BCAN: variants seen among roughly 807,000 people sequenced by gnomAD.
BCAN encodes the protein brevican.
Under a neutral mutation model 92.4 loss-of-function variants are expected in BCAN, and 51 were observed. The observed-to-expected ratio is 0.55, with a 90% CI of 0.44 to 0.70. The LOEUF (loss-of-function observed/expected upper bound fraction) is 0.70, where lower values mean the gene tolerates loss of function less well. Among genes scored for constraint, BCAN ranks in the 30% least tolerant of loss-of-function variants. BCAN has a pLI of 0.00. For missense variants in BCAN, 1,140 were observed against 1,212.1 expected (o/e 0.94, Z 0.88); for synonymous variants, 501 against 505.2 (o/e 0.99, Z 0.11).
chr1:156,647,850 C>A lies in BCAN; in HGVS notation c.642-133C>A. ...GTGAGGACCCTGAGCATGTGCATCC[C>A]TGCAGTGCTAGAAGGACAGCCAGCT... On this transcript the variant is annotated intron_variant, in intron 4 of 13. Coordinates refer to ENST00000329117, the MANE Select transcript of BCAN (RefSeq NM_021948.5). The surrounding 1 kb of genome is among the most constrained non-coding windows in gnomAD (Gnocchi z 4.8). 1 of 1,540,818 alleles carries A rather than the reference C, an allele frequency of 6.5e-7. No individual in the cohort carries two copies. Among genetic ancestry groups the A allele is most frequent in the Non-Finnish European group, 9.0e-7 (1 of 1,115,912 alleles).
Position 156,657,594 on chromosome 1 carries a change from A to AG in BCAN, c.2210-80dup. On this transcript the variant is annotated intron_variant, in intron 10 of 13. Transcript: ENST00000329117. ...GATCGCGGGGAAGGGTTTCCAAGGC[A>AG]GTCACCGCAGACCGCCCGGGAGCGG... 6.9e-6 allele frequency: 8 copies of AG among 1,165,694 alleles called. No individual in the cohort carries two copies. In the South Asian group the frequency reaches 1.1e-4, roughly 16 times the overall value. The allele number at this position is 1,165,694 out of a possible 1,614,324, so 72.2% of individuals were successfully genotyped here.
chr1:156,659,192 T>TCACAC lies in BCAN; in HGVS notation c.*60_*64dup. 1 of 1,349,772 alleles carries TCACAC rather than the reference T, an allele frequency of 7.4e-7. No individual in the cohort carries two copies. The allele number at this position is 1,349,772 out of a possible 1,614,324, so 83.6% of individuals were successfully genotyped here. On this transcript the variant is annotated 3_prime_UTR_variant, in exon 14 of 14. Transcript: ENST00000329117. ...ACTGCCCTGTCACCCAAATTTTCCC[T>TCACAC]CACACCCTGCGCTCCCGCCACCACA...
At chr1:156,653,023 T>C (rs772778742) in intron 8 of BCAN, 131 bp downstream of exon 8, 66 of 1,519,848 alleles carry the variant, frequency 4.3e-5, no homozygotes, top group Middle Eastern at 1.8e-4. Context: ...GCCTTCATTC[T>C]CTTACCCACC....
chr1:156,648,799 T>G lies in BCAN; in HGVS notation c.1001T>G (p.Leu334Arg), dbSNP rs1324591745. Residue 334 changes from leucine to arginine, a missense_variant, in exon 6 of 14, where the codon CTC becomes CGC. Around this residue, in one of 3 missense-constraint regions of BCAN, gnomAD observed 825 missense variants for 871.8 expected, o/e 0.95. Transcript: ENST00000329117. ...TTGCCTGGTGTCAAGACTCTCTTCCTCTTCCCCAACCAGACTGGCTTCCCC... is the reference window on the plus strand; with the variant it reads ...TTGCCTGGTGTCAAGACTCTCTTCCGCTTCCCCAACCAGACTGGCTTCCCC... ...GGLPGVKTLF[L>R]FPNQTGFPNK... 6.2e-7 allele frequency: 1 copy of G among 1,600,030 alleles called. No individual in the cohort carries two copies. Among genetic ancestry groups the G allele is most frequent in the Non-Finnish European group, 8.6e-7 (1 of 1,168,560 alleles).
chr1:156,646,252 A>G (rs1678959967), intron 2 of BCAN, 107 bp downstream of exon 2: 1 of 1,066,628 alleles, frequency 9.4e-7, no homozygotes. Context: ...GCTGTGGGGA[A>G]GCGTCCAGGC....
intron 6 of BCAN, among the ~76,000 whole-genome samples, chr1:156,651,162 A>T (rs1361449657): frequency 6.6e-6 from 1 of 152,110 alleles, no homozygotes; most frequent in Non-Finnish European, 1.5e-5. Context: ...AGATTATAAT[A>T]TATGTTTGTT....
At position 156,652,470 on chromosome 1, in the gene BCAN, C is replaced by T. The variant is rs1226431057; in HGVS notation, c.1520C>T (p.Ser507Phe). ...CCAGCAGCCCAGGAGGAGTCACTCT[C>T]CCAGGCGCCAGCAAGGGCAGTCCTG... Reference protein sequence around the residue: ...TEPAAQEESLSQAPARAVLQP... With the variant: ...TEPAAQEESLFQAPARAVLQP... The change falls in exon 8 of 14, where the codon TCC becomes TTC. Residue 507 changes from serine to phenylalanine, a missense_variant. By Grantham distance (155) the Ser-to-Phe change is radical. Transcript: ENST00000329117. 4 of 1,604,610 alleles carry T rather than the reference C, an allele frequency of 2.5e-6. No individual in the cohort carries two copies. The highest frequency in any genetic ancestry group is 3.4e-6 in the Non-Finnish European group (4 of 1,175,250).
chr1:156,654,122 C>T (rs1679261826), intron 8 of BCAN, among the ~76,000 whole-genome samples: 1 of 152,164 alleles, frequency 6.6e-6, no homozygotes, highest in South Asian at 2.1e-4. Context: ...CTCAAAGTAC[C>T]TAATGCTGGA....
Position 156,648,635 on chromosome 1 carries a change from G to T in BCAN, c.837G>T (p.Glu279Asp). The T allele has an allele frequency of 6.2e-7, 1 of 1,611,088 alleles. No homozygotes were observed. The highest frequency in any genetic ancestry group is 1.1e-5 in the South Asian group (1 of 91,028). Residue 279 changes from glutamate to aspartate, a missense_variant, in exon 6 of 14, where the codon GAG (glutamate) becomes GAT (aspartate). Physicochemically the swap from Glu to Asp is conservative, Grantham distance 45 (BLOSUM62 2). Coordinates refer to ENST00000329117, the MANE Select transcript of BCAN (RefSeq NM_021948.5). ...TLEEARAYCQ[E>D]RGAEIATTGQ... ...AGGAAGCACGGGCGTACTGCCAGGA[G>T]CGGGGTGCAGAGATTGCCACCACGG...
Position 156,657,035 on chromosome 1 carries a change from C to T in BCAN, c.2148C>T (p.Cys716=). 6.2e-7 allele frequency: 1 copy of T among 1,614,224 alleles called. No individual in the cohort carries two copies. Among genetic ancestry groups the T allele is most frequent in the Non-Finnish European group, 8.5e-7 (1 of 1,180,034 alleles). Residue 716 remains cysteine (C), a synonymous_variant, in exon 10 of 14, where the codon TGC becomes TGT. Coordinates refer to ENST00000329117, the MANE Select transcript of BCAN (RefSeq NM_021948.5). ...GCTGGGAGGAGGCAGAGACCCAGTG[C>T]CGGATGTACGGCGCGCATCTGGCCA... is the stretch of plus-strand genomic sequence containing the variant. ...RRSWEEAETQ[C]RMYGAHLASI...
Position 156,657,056 on chromosome 1 carries a change from G to A in BCAN, c.2169G>A (p.Leu723=). The A allele has an allele frequency of 6.2e-7, 1 of 1,614,240 alleles. No homozygotes were observed. Among genetic ancestry groups the A allele is most frequent in the African/African-American group, 1.3e-5 (1 of 75,082 alleles). ...ETQCRMYGAH[L]ASISTPEEQD... ...AGTGCCGGATGTACGGCGCGCATCT[G>A]GCCAGCATCAGCACACCCGAGGAAC... The change falls in exon 10 of 14, where the codon CTG becomes CTA. Residue 723 remains leucine (L), a synonymous_variant. Transcript: ENST00000329117.
At chr1:156,656,688 G>C (rs1679340840) in intron 9 of BCAN, 1 of 554,504 alleles carries the variant, frequency 1.8e-6, no homozygotes, top group Non-Finnish European at 3.2e-6. Flanking sequence ...CGTTAGGATG[G>C]AGACCCAGGC....
intron 6 of BCAN, chr1:156,649,882 G>A: frequency 1.9e-6 from 1 of 519,020 alleles, no homozygotes; most frequent in South Asian, 1.4e-5. Flanking sequence ...AATGGAAGGA[G>A]CAGACACAGC....
In BCAN at chr1:156,659,069, G is replaced by A. The variant is rs543018073; in HGVS notation, c.2671G>A (p.Gly891Arg). 2 of 1,601,576 alleles carry A rather than the reference G, an allele frequency of 1.2e-6. No individual in the cohort carries two copies. Among genetic ancestry groups the A allele is most frequent in the Non-Finnish European group, 1.7e-6 (2 of 1,175,542 alleles). ...AGAGGAGGACCCAGAAGGACGTCAG[G>A]GGAGGCTACTGGGACGCTGGAAGGC... ...HPEEDPEGRQ[G>R]RLLGRWKALL... is the part of the protein sequence containing the mutation. The change falls in exon 14 of 14, where the codon GGG becomes AGG. Residue 891 changes from glycine to arginine, a missense_variant. Physicochemically the swap from Gly to Arg is moderately radical, Grantham distance 125. Transcript: ENST00000329117.
chr1:156,652,438 C>T lies in BCAN; in HGVS notation c.1488C>T (p.Pro496=), dbSNP rs764311510. The T allele has an allele frequency of 3.1e-6, 5 of 1,603,918 alleles. No homozygotes were observed. In the South Asian group the frequency reaches 5.6e-5, roughly 18 times the overall value. The change falls in exon 8 of 14, where the codon CCC becomes CCT. Residue 496 remains proline (P), a synonymous_variant. Transcript: ENST00000329117. ...GCCCGGGCCCTGAGGCCTCTCTCCCCACTGAGCCAGCAGCCCAGGAGGAGT... is the reference window on the plus strand; with the variant it reads ...GCCCGGGCCCTGAGGCCTCTCTCCCTACTGAGCCAGCAGCCCAGGAGGAGT... ...LSSPGPEASL[P]TEPAAQEESL...
At position 156,646,963 on chromosome 1, in the gene BCAN, G is replaced by T; in HGVS notation, c.254G>T (p.Gly85Val). 2 of 1,612,902 alleles carry T rather than the reference G, an allele frequency of 1.2e-6. No individual in the cohort carries two copies. Among genetic ancestry groups the T allele is most frequent in the Non-Finnish European group, 1.7e-6 (2 of 1,179,590 alleles). ...GTCAAGTGGACTTTCCTGTCCCGGG[G>T]CCGGGAGGCAGAGGTGCTGGTGGCG... ...PRVKWTFLSR[G>V]REAEVLVARG... is the part of the protein sequence containing the mutation. Residue 85 changes from glycine (G) to valine (V), a missense_variant, in exon 3 of 14, where the codon GGC becomes GTC. Around this residue, in one of 3 missense-constraint regions of BCAN, gnomAD observed 286 missense variants for 284.1 expected, o/e 1.01. Transcript: ENST00000329117.
In BCAN at chr1:156,658,994, C is replaced by A; in HGVS notation, c.2629-33C>A. 6.5e-7 allele frequency: 1 copy of A among 1,546,940 alleles called. No homozygotes were observed. The highest frequency in any genetic ancestry group is 1.2e-5 in the South Asian group (1 of 85,230). The stretch of plus-strand genomic sequence containing the variant: ...GCTCTGAGGAGAGGAGAAGGAAGAG[C>A]CAGGGTGGAGGGTGAGTGTGTGTCT... On this transcript the variant is annotated intron_variant, in intron 13 of 13. Transcript: ENST00000329117. The surrounding 1 kb of genome is among the most constrained non-coding windows in gnomAD (Gnocchi z 4.4).
intron 2 of BCAN, chr1:156,646,543 GAGAGC>G (rs1678968742): frequency 1.7e-6 from 1 of 585,060 alleles, no homozygotes; most frequent in Non-Finnish European, 2.8e-6. Context: ...GGAAGACTCT[GAGAGC>G]AGGGCAAGGA....
At chr1:156,656,740 G>A in intron 9 of BCAN, 198 bp from the exon 10 acceptor site, 1 of 688,060 alleles carries the variant, frequency 1.5e-6, no homozygotes, top group Non-Finnish European at 2.3e-6. Flanking sequence ...TCTTAGAAAA[G>A]GCACCAGCGC....
Sources: allele counts gnomAD v4.1 joint callset (sites outside exome capture counted in the v4.1 genomes callset), GRCh38; gene constraint gnomAD v4.1.1; regional missense constraint gnomAD v4.1.1; non-coding constraint Gnocchi (gnomAD v3.1); transcripts MANE v1.5; gene names NCBI Gene and HGNC (gene_info 2026-07-23, HGNC 2026-07-21).